Variants in FADS6 observed in about 807,000 individuals in gnomAD.
FADS6 encodes the protein fatty acid desaturase 6.
Under a neutral mutation model 31.7 loss-of-function variants are expected in FADS6, and 28 were observed. The observed-to-expected ratio is 0.88, with a 90% CI of 0.66 to 1.21. The LOEUF (loss-of-function observed/expected upper bound fraction) is 1.21, where lower values mean the gene tolerates loss of function less well. FADS6 is among the 50% of genes most tolerant of loss of function. The pLI, the probability that FADS6 is intolerant of heterozygous loss-of-function variation, is 0.00. For missense variants in FADS6, 494 were observed against 504.2 expected, an observed-to-expected ratio of 0.98 and a Z score of 0.19; for synonymous variants, 191 against 213.1, an observed-to-expected ratio of 0.90 and a Z score of 0.90.
At chr17:74,884,493 AG>A (rs1442991705) in intron 2 of FADS6, among the ~76,000 whole-genome samples, 2 of 152,182 alleles carry the variant, frequency 1.3e-5, no homozygotes, top group Admixed American at 1.3e-4. Context: ...GAGGCTGGGT[AG>A]TTTGTAAAGA....
At chr17:74,883,305 C>T (rs1173796937) in intron 2 of FADS6, among the ~76,000 whole-genome samples, 9 of 152,212 alleles carry the variant, frequency 5.9e-5, no homozygotes, top group Admixed American at 6.5e-5. Flanking sequence ...AGCAGCAGCA[C>T]GTGCGCTCTG....
At chr17:74,892,405 G>T in intron 2 of FADS6, 118 bp downstream of exon 2, 1 of 1,240,130 alleles carries the variant, frequency 8.1e-7, no homozygotes, top group Non-Finnish European at 1.1e-6. Context: ...ACCATCAGCT[G>T]CAGCGGCCTG....
intron 5 of FADS6, 24 bp downstream of exon 5, chr17:74,879,380 G>A (rs148361272): frequency 0.01 from 16,754 of 1,607,840 alleles, 139 homozygotes; most frequent in Non-Finnish European, 0.012. Flanking sequence ...TTATTCCAGC[G>A]CCCCCAGCCC....
intron 4 of FADS6, among the ~76,000 whole-genome samples, chr17:74,880,126 G>T (rs144080054): frequency 6.6e-6 from 1 of 152,138 alleles, no homozygotes; most frequent in Non-Finnish European, 1.5e-5. Context: ...AGGAAGTACA[G>T]GAAGCTCTAC....
At chr17:74,887,690 T>C (rs1203969504) in intron 2 of FADS6, among the ~76,000 whole-genome samples, 1 of 152,190 alleles carries the variant, frequency 6.6e-6, no homozygotes, top group Non-Finnish European at 1.5e-5. Flanking sequence ...TCAGGATTTA[T>C]TATTAATTAT....
intron 2 of FADS6, among the ~76,000 whole-genome samples, chr17:74,888,324 G>T (rs757432170): frequency 5.9e-5 from 9 of 151,978 alleles, no homozygotes; most frequent in Non-Finnish European, 1.0e-4. Flanking sequence ...AAATAAAAAA[G>T]CTTTTACAAA....
In FADS6 at chr17:74,882,522, G is replaced by A. The variant is rs760909285; in HGVS notation, c.592+8C>T. The A allele has an allele frequency of 2.5e-6, 4 of 1,605,142 alleles. No homozygotes were observed. The highest frequency in any genetic ancestry group is 2.2e-5 in the East Asian group (1 of 44,654). On this transcript the variant is annotated splice_region_variant and intron_variant, in intron 3 of 5. Transcript: ENST00000612771. The stretch of plus-strand genomic sequence containing the variant: ...GGACACTGCGGACCGGGCTCTCATG[G>A]CACTCACCGACAGCCACCAGTGGAG...
intron 2 of FADS6, among the ~76,000 whole-genome samples, chr17:74,887,771 C>T (rs192849607): frequency 4.9e-4 from 75 of 152,282 alleles, no homozygotes; most frequent in East Asian, 3.5e-3. Flanking sequence ...CCACAACCTC[C>T]GCCTCCCGGG....
chr17:74,881,106 G>A lies in FADS6; in HGVS notation c.742C>T (p.Leu248=), dbSNP rs1432331597. The change falls in exon 4 of 6, where the codon CTG becomes TTG. Residue 248 remains leucine (L), a synonymous_variant. Coordinates refer to ENST00000612771, the MANE Select transcript of FADS6 (RefSeq NM_178128.6). ...ALGCMFLTRS[L]LAHPYLHVNI... is the part of the protein sequence containing the mutation. Reference sequence around the variant, plus strand: ...ACGTGGAGGTAGGGGTGGGCCAACAGGGATCTGGTGAGGAACATGCAGCCC... The same window carrying A: ...ACGTGGAGGTAGGGGTGGGCCAACAAGGATCTGGTGAGGAACATGCAGCCC... 1 of 1,613,752 alleles carries A rather than the reference G, an allele frequency of 6.2e-7. No homozygotes were observed. The highest frequency in any genetic ancestry group is 2.2e-5 in the East Asian group (1 of 44,874).
chr17:74,881,252 C>T lies in FADS6; in HGVS notation c.596G>A (p.Arg199Gln), dbSNP rs369331300. The T allele has an allele frequency of 1.1e-5, 18 of 1,592,976 alleles. No individual in the cohort carries two copies. The African/African-American group carries it at 1.5e-4, about 13-fold the overall frequency. Residue 199 changes from arginine to glutamine, a missense_variant, in exon 4 of 6, where the codon CGG becomes CAG. Coordinates refer to ENST00000612771, the MANE Select transcript of FADS6 (RefSeq NM_178128.6). ...TGTCCCGAGCTCCACCTTCCTCAGC[C>T]GCTCTGCCATAGAGGGAGGGGACAG... ...PIATPLVAVE[R>Q]LRKVELGTAL... is the part of the protein sequence containing the mutation.
intron 2 of FADS6, chr17:74,882,951 G>A: frequency 9.0e-7 from 1 of 1,110,406 alleles, no homozygotes; most frequent in Admixed American, 2.7e-5. Context: ...GCATTTGGGG[G>A]TGGGAGGCTG....
Position 74,892,536 on chromosome 17 carries a change from A to T in FADS6, c.398T>A (p.Leu133His). The change falls in exon 2 of 6, where the codon CTT (leucine) becomes CAT (histidine). Residue 133 changes from leucine to histidine, a missense_variant. Transcript: ENST00000612771. Reference protein sequence around the residue: ...ESKRWSKIWLLFFVEVCTAFT... With the variant: ...ESKRWSKIWLHFFVEVCTAFT... ...TCCCAGGCTCACCTCCACAAAGAAA[A>T]GCAGCCAGATCTTGCTCCAGCGTTT... The T allele has an allele frequency of 1.2e-6, 2 of 1,612,850 alleles. No homozygotes were observed. The highest frequency in any genetic ancestry group is 2.2e-5 in the South Asian group (2 of 90,776).
chr17:74,889,820 G>A (rs962680415), intron 2 of FADS6, among the ~76,000 whole-genome samples: 9 of 121,480 alleles, frequency 7.4e-5, no homozygotes, highest in South Asian at 2.9e-4. Context: ...GCAGTGAGCC[G>A]AGACTGCATC....
downstream of FADS6, chr17:74,877,157 G>T (rs927205585): frequency 1.3e-5 from 2 of 151,314 alleles, no homozygotes; most frequent in Admixed American, 6.6e-5. Context: ...TCCGTCCTCC[G>T]GACCCTGTTC....
In FADS6 at chr17:74,892,656, A is replaced by AC; in HGVS notation, c.277dup (p.Val93GlyfsTer193). Reference sequence around the variant, plus strand: ...CAAGATGGTGATGCCGGATGCAAAGACCAGGGCATTCTCCCAGCGCAGGCA... The same window carrying AC: ...CAAGATGGTGATGCCGGATGCAAAGACCCAGGGCATTCTCCCAGCGCAGGCA... On this transcript the variant is annotated frameshift_variant, in exon 2 of 6. Transcript: ENST00000612771. LOFTEE classifies it high-confidence loss of function. 2 of 1,613,184 alleles carry AC rather than the reference A, an allele frequency of 1.2e-6. No homozygotes were observed.
At chr17:74,885,328 A>G (rs2038612475) in intron 2 of FADS6, among the ~76,000 whole-genome samples, 2 of 151,768 alleles carry the variant, frequency 1.3e-5, no homozygotes, top group Non-Finnish European at 2.9e-5. Flanking sequence ...ATAAATAAAT[A>G]TTACATTTCA....
At chr17:74,883,074 T>G (rs568993457) in intron 2 of FADS6, among the ~76,000 whole-genome samples, 6 of 152,354 alleles carry the variant, frequency 3.9e-5, no homozygotes, top group Non-Finnish European at 8.8e-5. Context: ...TGATTTTGTG[T>G]GTGTTTCTCT....
chr17:74,881,606 C>T (rs2038569942), intron 3 of FADS6, among the ~76,000 whole-genome samples: 1 of 151,770 alleles, frequency 6.6e-6, no homozygotes, highest in South Asian at 2.1e-4. Flanking sequence ...GGAGCCTGGC[C>T]TCCCAAGCTC....
In FADS6 at chr17:74,888,126, C is replaced by CCACA. The variant is rs1165268903; in HGVS notation, c.411+4393_411+4396dup. 3.8e-3 allele frequency among the ~76,000 whole-genome samples: 491 copies of CCACA among 128,038 alleles called. 3 individuals carry two copies. The highest frequency in any genetic ancestry group is 0.022 in the Middle Eastern group (6 of 270). 84.0% of individuals were successfully genotyped at this position (128,038 alleles called of 152,430 possible). ...GCATGGTGTAGGTGGAGCTGAGACA[C>CCACA]CACACACACACACACACACACACAC... On this transcript the variant is annotated intron_variant, in intron 2 of 5. Transcript: ENST00000612771.
Sources: gnomAD v4.1 joint callset for allele counts (sites outside exome capture counted in the v4.1 genomes callset) on GRCh38, gnomAD v4.1.1 for gene constraint, MANE v1.5 for transcripts, NCBI Gene and HGNC (gene_info 2026-07-23, HGNC 2026-07-21) for gene names.